Variants in GRAMD1C observed in about 807,000 individuals in gnomAD.
GRAMD1C encodes the protein GRAM domain containing 1C.
Under a neutral mutation model 97.8 loss-of-function variants are expected in GRAMD1C, and 89 were observed. The observed-to-expected ratio is 0.91, with a 90% CI of 0.77 to 1.09. The LOEUF (loss-of-function observed/expected upper bound fraction) is 1.09. Among genes scored for constraint, GRAMD1C ranks in the 50% least tolerant of loss-of-function variants. The probability of loss-of-function intolerance (pLI) is 0.00; values close to 1 mark genes in which losing one functional copy is unlikely to be tolerated. For missense variants in GRAMD1C, 740 were observed against 766.4 expected (o/e 0.97, Z 0.41); for synonymous variants, 256 against 267.0 (o/e 0.96, Z 0.40).
intron 6 of GRAMD1C, among the ~76,000 whole-genome samples, chr3:113,900,484 A>G (rs1201377680): frequency 1.3e-5 from 2 of 149,050 alleles, no homozygotes; most frequent in Admixed American, 6.7e-5. Context: ...GCAGTGGCAC[A>G]ATCTTGGCTC....
In GRAMD1C at chr3:113,936,434, A is replaced by G; in HGVS notation, c.1625A>G (p.Asp542Gly). The change falls in exon 14 of 18, where the codon GAT becomes GGT. Residue 542 changes from aspartate (D) to glycine (G), a missense_variant. Asp to Gly is a moderately conservative substitution (Grantham distance 94, BLOSUM62 -1). Coordinates refer to ENST00000358160, the MANE Select transcript of GRAMD1C (RefSeq NM_017577.5). ...SGDVGLGAKG[D>G]ITGKKKEMEN... ...GATGTGGGCTTAGGTGCCAAAGGGG[A>G]TATTACAGGTAGTTGTCACCTGGTA... The G allele has an allele frequency of 6.2e-7, 1 of 1,600,310 alleles. No individual in the cohort carries two copies. Among genetic ancestry groups the G allele is most frequent in the Non-Finnish European group, 8.5e-7 (1 of 1,172,306 alleles).
At chr3:113,904,962 G>A (rs1455787421) in intron 8 of GRAMD1C, among the ~76,000 whole-genome samples, 3 of 152,126 alleles carry the variant, frequency 2.0e-5, no homozygotes, top group Non-Finnish European at 4.4e-5. Context: ...AGCCTCCCAA[G>A]TAGCTCAGGT....
intron 6 of GRAMD1C, chr3:113,885,519 C>G (rs1011940119): frequency 1.2e-6 from 2 of 1,606,226 alleles, no homozygotes; most frequent in African/African-American, 2.7e-5. Flanking sequence ...CACTTATTCA[C>G]TCCCACCATG....
rs747229200 is a variant in GRAMD1C at position 113,915,832 on chromosome 3, A to G, written c.1084A>G (p.Ile362Val). The change falls in exon 10 of 18, where the codon ATA becomes GTA. Residue 362 changes from isoleucine (I) to valine (V), a missense_variant. Transcript: ENST00000358160. ...GCAGAAATTTGCCAGTTCTAGAAAT[A>G]TAATAGGTTAGTCCTTGTGTTCTTA... ...FMQKFASSRN[I>V]IDVVSTPWTA... The G allele has an allele frequency of 8.1e-6, 13 of 1,607,848 alleles. No individual in the cohort carries two copies. The South Asian group carries it at 1.4e-4, about 18-fold the overall frequency.
At chr3:113,885,393 C>G (rs1935434238) in intron 6 of GRAMD1C, 1 of 1,580,976 alleles carries the variant, frequency 6.3e-7, no homozygotes, top group Admixed American at 1.7e-5. Context: ...GGGGGCAGAT[C>G]CGCACGGTAA....
chr3:113,935,409 G>A (rs1937558121), intron 13 of GRAMD1C, among the ~76,000 whole-genome samples: 1 of 152,048 alleles, frequency 6.6e-6, no homozygotes. Context: ...GATTTGGTTG[G>A]AGGTGGGTAC....
chr3:113,868,494 A>G (rs1221471185), intron 2 of GRAMD1C, among the ~76,000 whole-genome samples: 1 of 152,132 alleles, frequency 6.6e-6, no homozygotes, highest in Non-Finnish European at 1.5e-5. Context: ...ATTTGCCTAG[A>G]GTAAATTTAT....
At chr3:113,867,343 A>G (rs2107365567) in intron 2 of GRAMD1C, among the ~76,000 whole-genome samples, 1 of 152,198 alleles carries the variant, frequency 6.6e-6, no homozygotes, top group East Asian at 1.9e-4. Context: ...TCCAGGCTGG[A>G]GTGCAGTGGT....
chr3:113,934,630 T>A (rs1937542530), intron 13 of GRAMD1C, 95 bp downstream of exon 13: 4 of 641,864 alleles, frequency 6.2e-6, no homozygotes, highest in Non-Finnish European at 1.1e-5. Flanking sequence ...AGAAAACTGG[T>A]CAATGATGTT....
At chr3:113,896,432 C>T (rs936732614) in intron 6 of GRAMD1C, among the ~76,000 whole-genome samples, 1 of 152,070 alleles carries the variant, frequency 6.6e-6, no homozygotes, top group South Asian at 2.1e-4. Flanking sequence ...CTGTTTTTCC[C>T]TCTGAAGCCT....
chr3:113,838,952 C>T lies in GRAMD1C; in HGVS notation c.27+16C>T, dbSNP rs199680457. On this transcript the variant is annotated intron_variant, in intron 1 of 17. Transcript: ENST00000358160. Reference sequence around the variant, plus strand: ...TGTCCGTCAGGTAAGCCGCGGGCCTCGCTGGGGCAGGTTCCCATCTGTGGC... The same window carrying T: ...TGTCCGTCAGGTAAGCCGCGGGCCTTGCTGGGGCAGGTTCCCATCTGTGGC... The T allele has an allele frequency of 4.5e-4, 552 of 1,238,960 alleles. 5 individuals are homozygous for T. The African/African-American group carries it at 7.5e-3, about 17-fold the overall frequency. 76.7% of individuals were successfully genotyped at this position (1,238,960 alleles called of 1,614,324 possible).
intron 6 of GRAMD1C, among the ~76,000 whole-genome samples, chr3:113,884,047 GAAC>G (rs1935358995): frequency 6.6e-6 from 1 of 152,136 alleles, no homozygotes; most frequent in Non-Finnish European, 1.5e-5. Context: ...ATGAGAGATA[GAAC>G]AACTAGACAG....
At position 113,895,200 on chromosome 3, in the gene GRAMD1C, T is replaced by C. The variant is rs1174585106; in HGVS notation, c.541-5831T>C. Among the ~76,000 whole-genome samples the C allele has an allele frequency of 3.3e-5, 5 of 152,186 alleles. No homozygotes were observed. The East Asian group carries it at 9.6e-4, about 29-fold the overall frequency. On this transcript the variant is annotated intron_variant, in intron 6 of 17. Coordinates refer to ENST00000358160, the MANE Select transcript of GRAMD1C (RefSeq NM_017577.5). Reference sequence around the variant, plus strand: ...GCTGTCTACTTTTGCTCTGATTCCATGCTTGTTGTGCCACTTTCTGATTGC... The same window carrying C: ...GCTGTCTACTTTTGCTCTGATTCCACGCTTGTTGTGCCACTTTCTGATTGC...
chr3:113,902,084 A>C (rs1224398571), intron 7 of GRAMD1C, among the ~76,000 whole-genome samples: 2 of 152,212 alleles, frequency 1.3e-5, no homozygotes, highest in African/African-American at 2.4e-5. Flanking sequence ...TAAATTGTAC[A>C]CTTTACATGA....
intron 2 of GRAMD1C, among the ~76,000 whole-genome samples, chr3:113,845,462 T>G (rs1053281971): frequency 6.6e-5 from 10 of 152,048 alleles, no homozygotes; most frequent in Non-Finnish European, 8.8e-5. Context: ...GAGGCTGAGG[T>G]GGGCAGATTG....
intron 10 of GRAMD1C, chr3:113,920,186 C>T: frequency 7.4e-7 from 1 of 1,345,820 alleles, no homozygotes; most frequent in Non-Finnish European, 1.0e-6. Flanking sequence ...ATCTGCTCAA[C>T]AGCCTGAAAT....
At chr3:113,862,257 C>T (rs917640498) in intron 2 of GRAMD1C, among the ~76,000 whole-genome samples, 5 of 152,080 alleles carry the variant, frequency 3.3e-5, no homozygotes, top group South Asian at 2.1e-4. Flanking sequence ...AGGAGTGCCA[C>T]GGGAGACTGG....
At chr3:113,899,230 AGTT>A in intron 6 of GRAMD1C, among the ~76,000 whole-genome samples, 1 of 152,262 alleles carries the variant, frequency 6.6e-6, no homozygotes, top group Admixed American at 6.5e-5. Flanking sequence ...CTGTATTTTT[AGTT>A]GGTTTCCGTC....
At chr3:113,916,818 C>G (rs1936830310) in intron 10 of GRAMD1C, among the ~76,000 whole-genome samples, 1 of 151,998 alleles carries the variant, frequency 6.6e-6, no homozygotes, top group African/African-American at 2.4e-5. Context: ...ATGGTTAAAT[C>G]CTCATAAGAA....
Sources: allele counts gnomAD v4.1 joint callset (sites outside exome capture counted in the v4.1 genomes callset), GRCh38; gene constraint gnomAD v4.1.1; transcripts MANE v1.5; gene names NCBI Gene and HGNC (gene_info 2026-07-23, HGNC 2026-07-21).